The following RSU1 variants were observed in gnomAD, a reference collection of about 807,000 sequenced individuals.
The protein encoded by RSU1 is rsu-1.
In RSU1, 26 loss-of-function variants were observed where a neutral mutation model predicts 31.1. The observed-to-expected ratio is 0.84, with a 90% CI of 0.61 to 1.16. The LOEUF (loss-of-function observed/expected upper bound fraction) is 1.16, where lower values mean the gene tolerates loss of function less well. Ranked by LOEUF, RSU1 falls within the 50% of genes most tolerant of loss-of-function variation. The pLI is 0.00. For missense variants in RSU1, 320 were observed against 339.1 expected (o/e 0.94, Z 0.44); for synonymous variants, 164 against 136.3 (o/e 1.20, Z -1.41).
At chr10:16,650,946 C>T (rs1018707536) in intron 8 of RSU1, among the ~76,000 whole-genome samples, 4 of 152,062 alleles carry the variant, frequency 2.6e-5, no homozygotes, top group Non-Finnish European at 5.9e-5. Context: ...ATATTTCATT[C>T]ATGTTTTTAA....
At chr10:16,636,473 C>T (rs899544378) in intron 8 of RSU1, among the ~76,000 whole-genome samples, 1 of 152,222 alleles carries the variant, frequency 6.6e-6, no homozygotes, top group Non-Finnish European at 1.5e-5. Flanking sequence ...GTGGTTGGCA[C>T]TCTGGGCCAA....
intron 3 of RSU1, among the ~76,000 whole-genome samples, chr10:16,765,737 C>A (rs1272886835): frequency 6.6e-6 from 1 of 152,144 alleles, no homozygotes; most frequent in Non-Finnish European, 1.5e-5. Flanking sequence ...TGAACAGGGG[C>A]GTGGAACTCA....
intron 4 of RSU1, among the ~76,000 whole-genome samples, chr10:16,757,872 A>T (rs913535356): frequency 6.6e-6 from 1 of 152,236 alleles, no homozygotes; most frequent in Admixed American, 6.5e-5. Flanking sequence ...CTGATTCCTT[A>T]ACATTTTTCT....
intron 8 of RSU1, among the ~76,000 whole-genome samples, chr10:16,666,124 T>A (rs763071498): frequency 1.3e-5 from 2 of 152,176 alleles, no homozygotes; most frequent in Non-Finnish European, 2.9e-5. Context: ...TCTGTGACTA[T>A]TTTACAGGTT....
intron 7 of RSU1, among the ~76,000 whole-genome samples, chr10:16,708,246 T>C (rs950863451): frequency 6.6e-6 from 1 of 152,244 alleles, no homozygotes; most frequent in African/African-American, 2.4e-5. Flanking sequence ...ATACATTATA[T>C]ACTATATTCT....
At chr10:16,693,056 T>C in intron 8 of RSU1, among the ~76,000 whole-genome samples, 1 of 152,134 alleles carries the variant, frequency 6.6e-6, no homozygotes, top group Non-Finnish European at 1.5e-5. Flanking sequence ...TCTGCCTCCC[T>C]GGCTCAAGCG....
chr10:16,676,356 G>A (rs546589114), intron 8 of RSU1, among the ~76,000 whole-genome samples: 1 of 152,334 alleles, frequency 6.6e-6, no homozygotes, highest in South Asian at 2.1e-4. Flanking sequence ...GCAGGCAAGA[G>A]ACTGTGTGCA....
chr10:16,714,782 T>C (rs1296774375), intron 7 of RSU1, among the ~76,000 whole-genome samples: 1 of 152,124 alleles, frequency 6.6e-6, no homozygotes, highest in Non-Finnish European at 1.5e-5. Context: ...CAGGGCAGGA[T>C]GCACTCTAGC....
In RSU1 at chr10:16,668,227, G is replaced by C. The variant is rs116624869; in HGVS notation, c.731+26796C>G. Among the ~76,000 whole-genome samples the C allele has an allele frequency of 4.9e-3, 744 of 152,264 alleles. 5 individuals carry two copies. Among genetic ancestry groups the C allele is most frequent in the African/African-American group, 0.017 (686 of 41,566 alleles). ...TAAGTATTCAATGAACATTAGATGA[G>C]GTTGTTTTCTGTTATTATCATTATT... is the stretch of plus-strand genomic sequence containing the variant. On this transcript the variant is annotated intron_variant, in intron 8 of 8. Coordinates refer to ENST00000345264, the MANE Select transcript of RSU1 (RefSeq NM_012425.4).
chr10:16,745,051 C>G (rs139417995), intron 7 of RSU1, among the ~76,000 whole-genome samples: 9 of 152,290 alleles, frequency 5.9e-5, no homozygotes, highest in Admixed American at 2.0e-4. Context: ...ACTAGGCACT[C>G]GGTAACTAAC....
chr10:16,793,926 G>T (rs935512095), intron 2 of RSU1, among the ~76,000 whole-genome samples: 1 of 151,742 alleles, frequency 6.6e-6, no homozygotes, highest in African/African-American at 2.4e-5. Flanking sequence ...ATTAGCATTT[G>T]AATCAGGGGA....
At chr10:16,597,947 C>T (rs929404878) in intron 8 of RSU1, among the ~76,000 whole-genome samples, 1 of 152,184 alleles carries the variant, frequency 6.6e-6, no homozygotes, top group African/African-American at 2.4e-5. Context: ...CATAAGTGGC[C>T]GTTTTCACAG....
intron 8 of RSU1, among the ~76,000 whole-genome samples, chr10:16,595,088 A>T (rs1346587461): frequency 6.6e-6 from 1 of 151,184 alleles, no homozygotes; most frequent in Non-Finnish European, 1.5e-5. Flanking sequence ...CCAACAAAAA[A>T]ATTATTTTAA....
At chr10:16,626,019 G>T (rs953366734) in intron 8 of RSU1, among the ~76,000 whole-genome samples, 1 of 151,996 alleles carries the variant, frequency 6.6e-6, no homozygotes, top group Non-Finnish European at 1.5e-5. Flanking sequence ...TGGGCGCTCA[G>T]TGCATTTCAA....
intron 8 of RSU1, among the ~76,000 whole-genome samples, chr10:16,651,034 T>G (rs1269271651): frequency 6.6e-6 from 1 of 152,236 alleles, no homozygotes; most frequent in African/African-American, 2.4e-5. Context: ...TGAATCATCT[T>G]TATTAGATAA....
intron 8 of RSU1, among the ~76,000 whole-genome samples, chr10:16,666,478 G>T (rs894807120): frequency 6.6e-6 from 1 of 152,192 alleles, no homozygotes; most frequent in Non-Finnish European, 1.5e-5. Context: ...TTGAGATGCT[G>T]GTTCAGAGAG....
intron 7 of RSU1, among the ~76,000 whole-genome samples, chr10:16,739,415 G>A (rs969435425): frequency 6.7e-6 from 1 of 150,264 alleles, no homozygotes; most frequent in Non-Finnish European, 1.5e-5. Context: ...TAACTGGTGT[G>A]AGATGGTATC....
chr10:16,665,829 G>A (rs1241723592), intron 8 of RSU1, among the ~76,000 whole-genome samples: 1 of 152,166 alleles, frequency 6.6e-6, no homozygotes, highest in Non-Finnish European at 1.5e-5. Flanking sequence ...ACAGTGCTAT[G>A]ATAAATGGAC....
At chr10:16,734,212 A>G (rs1024854076) in intron 7 of RSU1, among the ~76,000 whole-genome samples, 3 of 152,242 alleles carry the variant, frequency 2.0e-5, no homozygotes, top group Non-Finnish European at 2.9e-5. Flanking sequence ...ACACCTCTTT[A>G]AAGTTTAATA....
Sources: gnomAD v4.1 joint callset for allele counts (sites outside exome capture counted in the v4.1 genomes callset) on GRCh38, gnomAD v4.1.1 for gene constraint, MANE v1.5 for transcripts, NCBI Gene and HGNC (gene_info 2026-07-23, HGNC 2026-07-21) for gene names.